Variants in CHRNA9 observed in about 807,000 individuals in gnomAD.
CHRNA9 encodes the protein neuronal acetylcholine receptor subunit alpha-9.
A neutral mutation model predicts 36.8 loss-of-function variants in CHRNA9; 24 were observed. That is an observed-to-expected ratio of 0.65 (90% confidence interval 0.47 to 0.92). CHRNA9 has a LOEUF of 0.92. Ranked by LOEUF, CHRNA9 falls within the 40% of genes least tolerant of loss-of-function variation. The pLI is 0.00. For missense variants in CHRNA9, 610 were observed against 601.2 expected (o/e 1.01, Z -0.15); for synonymous variants, 231 against 231.8 (o/e 1.00, Z 0.03).
intron 4 of CHRNA9, chr4:40,349,652 C>T (rs1341551034): frequency 4.2e-6 from 2 of 475,264 alleles, no homozygotes; most frequent in Non-Finnish European, 7.5e-6. Flanking sequence ...AGACATTATA[C>T]TTTAGAGCAG....
At position 40,342,052 on chromosome 4, in the gene CHRNA9, G is replaced by A. The variant is rs543575917; in HGVS notation, c.365+4688G>A. Among the ~76,000 whole-genome samples, 16 of 152,320 alleles carry A rather than the reference G, an allele frequency of 1.1e-4. No individual in the cohort carries two copies. In the Middle Eastern group the frequency reaches 0.014, roughly 130 times the overall value. ...GCATGAGCCACCATGCCTGGCCCCA[G>A]TGGTTGGATTTTAATGAGCAGTTTT... On this transcript the variant is annotated intron_variant, in intron 3 of 4. Transcript: ENST00000310169.
chr4:40,351,331 C>A (rs1362483239), intron 4 of CHRNA9, among the ~76,000 whole-genome samples: 40 of 145,656 alleles, frequency 2.7e-4, no homozygotes, highest in Admixed American at 4.1e-4. Flanking sequence ...GACTTCGTCT[C>A]AAAAAAAAAA....
chr4:40,340,910 A>G (rs1464991248), intron 3 of CHRNA9, among the ~76,000 whole-genome samples: 1 of 151,412 alleles, frequency 6.6e-6, no homozygotes, highest in Non-Finnish European at 1.5e-5. Context: ...AAAGAGAACA[A>G]ACAACGTTCC....
At chr4:40,347,018 A>T (rs1712655222) in intron 3 of CHRNA9, among the ~76,000 whole-genome samples, 1 of 152,082 alleles carries the variant, frequency 6.6e-6, no homozygotes, top group South Asian at 2.1e-4. Flanking sequence ...TTGCCATGTC[A>T]GTCAGGCAGG....
rs1261838941 is a variant in CHRNA9, at chr4:40,354,302, G to A, written c.1222G>A (p.Gly408Ser). 1.2e-6 allele frequency: 2 copies of A among 1,614,138 alleles called. No individual in the cohort carries two copies. The highest frequency in any genetic ancestry group is 2.2e-5 in the South Asian group (2 of 91,080). ...CTTAAAGAACGACCTGGGCTGCCAG[G>A]GTAAGAACCCTCAGGAGGCCGAGAG... is the stretch of plus-strand genomic sequence containing the variant. ...KRLKNDLGCQGKNPQEAESYC... is the reference protein window; with the variant it reads ...KRLKNDLGCQSKNPQEAESYC... The change falls in exon 5 of 5, where the codon GGT becomes AGT. Residue 408 changes from glycine (G) to serine (S), a missense_variant. Transcript: ENST00000310169.
At chr4:40,346,766 C>T (rs114934846) in intron 3 of CHRNA9, among the ~76,000 whole-genome samples, 2 of 151,910 alleles carry the variant, frequency 1.3e-5, no homozygotes, top group African/African-American at 4.8e-5. Flanking sequence ...AAAAACATGC[C>T]TGTTCTTTAA....
intron 3 of CHRNA9, among the ~76,000 whole-genome samples, chr4:40,342,187 A>T (rs1712517667): frequency 6.6e-6 from 1 of 152,238 alleles, no homozygotes; most frequent in African/African-American, 2.4e-5. Context: ...TTAGCCATAT[A>T]AGATGATTTA....
At chr4:40,336,643 A>G (rs1186891161) in intron 2 of CHRNA9, among the ~76,000 whole-genome samples, 1 of 149,650 alleles carries the variant, frequency 6.7e-6, no homozygotes, top group African/African-American at 2.5e-5. Flanking sequence ...CACCCGGCTA[A>G]TTTTTTTTTT....
intron 4 of CHRNA9, among the ~76,000 whole-genome samples, chr4:40,353,312 G>A (rs542799816): frequency 3.3e-5 from 5 of 152,224 alleles, no homozygotes; most frequent in African/African-American, 7.2e-5. Context: ...CCAAGATGGC[G>A]AAACCCCCTC....
intron 3 of CHRNA9, among the ~76,000 whole-genome samples, chr4:40,348,395 C>G (rs1712696365): frequency 6.6e-6 from 1 of 152,182 alleles, no homozygotes; most frequent in Non-Finnish European, 1.5e-5. Context: ...TATGGGTGAA[C>G]AACTTTTTTT....
intron 3 of CHRNA9, chr4:40,338,189 G>A (rs905582477): frequency 5.3e-5 from 8 of 152,176 alleles, no homozygotes; most frequent in East Asian, 1.9e-4. Context: ...ACCAGTTTAC[G>A]GGATACAAAG....
chr4:40,340,780 T>C (rs1577545221), intron 3 of CHRNA9, among the ~76,000 whole-genome samples: 1 of 152,096 alleles, frequency 6.6e-6, no homozygotes, highest in South Asian at 2.1e-4. Flanking sequence ...AGGAAGGAGA[T>C]GGGCCTGGAT....
chr4:40,348,069 G>T (rs1712683292), intron 3 of CHRNA9: 1 of 151,976 alleles, frequency 6.6e-6, no homozygotes, highest in Non-Finnish European at 1.5e-5. Context: ...GGGACTGTCT[G>T]TTTTTTTTCA....
At chr4:40,346,935 C>T (rs558758971) in intron 3 of CHRNA9, among the ~76,000 whole-genome samples, 7 of 152,040 alleles carry the variant, frequency 4.6e-5, no homozygotes, top group East Asian at 3.9e-4. Context: ...CTCAGCCTCC[C>T]GAGTAGCTGG....
At position 40,335,920 on chromosome 4, in the gene CHRNA9, A is replaced by G. The variant is rs2109675385; in HGVS notation, c.158A>G (p.Asp53Gly). Residue 53 changes from aspartate to glycine, a missense_variant, in exon 2 of 5, where the codon GAT becomes GGT. Physicochemically the swap from Asp to Gly is moderately conservative, Grantham distance 94. Coordinates refer to ENST00000310169, the MANE Select transcript of CHRNA9 (RefSeq NM_017581.4). ...GCTCTTCGTCCAGTGGAAGATACAG[A>G]TAAAGTCCTGAATGTGACCCTGCAG... ...SNALRPVEDT[D>G]KVLNVTLQIT... The G allele has an allele frequency of 6.2e-7, 1 of 1,612,982 alleles. No homozygotes were observed. Among genetic ancestry groups the G allele is most frequent in the South Asian group, 1.1e-5 (1 of 91,058 alleles).
In CHRNA9 at chr4:40,335,353, C is replaced by A. The variant is rs1051849395; in HGVS notation, c.-115C>A. The A allele has an allele frequency of 1.2e-6, 1 of 800,084 alleles. No individual in the cohort carries two copies. 49.6% of individuals were successfully genotyped at this position (800,084 alleles called of 1,614,324 possible). A position where few individuals can be genotyped will look rare whatever the true frequency, so the allele number is the denominator to read the frequency against. Reference sequence around the variant, plus strand: ...CATGCAATGCAAGCCTGAGCTCTCCCGCCATAAGGCTGCAGCGGTGTGGGC... The same window carrying A: ...CATGCAATGCAAGCCTGAGCTCTCCAGCCATAAGGCTGCAGCGGTGTGGGC... On this transcript the variant is annotated 5_prime_UTR_variant, in exon 1 of 5. Transcript: ENST00000310169.
chr4:40,340,973 CAAAAAAAA>C (rs543449903), intron 3 of CHRNA9, among the ~76,000 whole-genome samples: 3 of 64,976 alleles, frequency 4.6e-5, no homozygotes, highest in African/African-American at 8.7e-5. Flanking sequence ...ATAAGCTCTC[CAAAAAAAA>C]AAAAAAAAAA....
In CHRNA9 at chr4:40,335,951, GCT is replaced by G. The variant is rs776506529; in HGVS notation, c.195_196del (p.Gln66AspfsTer2). ...KVLNVTLQITLSQIKDMDERN... is the reference protein window; with the variant it reads ...KVLNVTLQITXSQIKDMDERN... ...TCCTGAATGTGACCCTGCAGATTAC[GCT>G]CTCTCAGATTAAGGATATGGTGAGT... is the stretch of plus-strand genomic sequence containing the variant. On this transcript the variant is annotated frameshift_variant, in exon 2 of 5. Coordinates refer to ENST00000310169, the MANE Select transcript of CHRNA9 (RefSeq NM_017581.4). LOFTEE classifies it high-confidence loss of function. 1.9e-6 allele frequency: 3 copies of G among 1,612,706 alleles called. No individual in the cohort carries two copies. The Admixed American group carries it at 5.0e-5, about 27-fold the overall frequency.
chr4:40,348,819 G>A (rs1357732712), intron 3 of CHRNA9, 63 bp from the exon 4 acceptor site: 4 of 1,517,406 alleles, frequency 2.6e-6, no homozygotes, highest in South Asian at 2.4e-5. Flanking sequence ...TGAGCTGTCT[G>A]GGGTAAGGAA....
Sources: allele counts gnomAD v4.1 joint callset (sites outside exome capture counted in the v4.1 genomes callset), GRCh38; gene constraint gnomAD v4.1.1; transcripts MANE v1.5; gene names NCBI Gene and HGNC (gene_info 2026-07-23, HGNC 2026-07-21).